Variants in DGKB observed in about 807,000 individuals in gnomAD.
DGKB encodes 90 kDa diacylglycerol kinase.
DGKB carries 67 observed loss-of-function variants against 114.3 expected under a neutral mutation model. The ratio of observed to expected loss-of-function variants is 0.59; its 90% confidence interval spans 0.48 to 0.72. The LOEUF (loss-of-function observed/expected upper bound fraction) is 0.72. DGKB is among the 30% of genes least tolerant of loss of function. DGKB has a pLI of 0.00. For missense variants in DGKB, 907 were observed against 975.2 expected, an observed-to-expected ratio of 0.93 and a Z score of 0.93; for synonymous variants, 398 against 323.1, an observed-to-expected ratio of 1.23 and a Z score of -2.49.
chr7:14,661,756 G>A (rs1247533577), intron 13 of DGKB, among the ~76,000 whole-genome samples: 3 of 151,508 alleles, frequency 2.0e-5, no homozygotes, highest in Non-Finnish European at 2.9e-5. Context: ...ACATGCACAC[G>A]TATGTTTATT....
At chr7:14,293,369 T>C (rs901812683) in intron 23 of DGKB, among the ~76,000 whole-genome samples, 11 of 152,288 alleles carry the variant, frequency 7.2e-5, no homozygotes, top group Non-Finnish European at 1.2e-4. Context: ...ACTAAGATCT[T>C]CCAATGACTT....
chr7:14,209,650 G>T (rs551319528), intron 23 of DGKB: 10 of 363,908 alleles, frequency 2.7e-5, no homozygotes, highest in South Asian at 2.1e-4. Flanking sequence ...AAAAAGAAGC[G>T]TTTATCTTTG....
rs116210008 is a variant in DGKB, at chr7:14,173,757, C to A, written c.2304+3082G>T. On this transcript the variant is annotated intron_variant, in intron 25 of 25. Transcript: ENST00000402815. The stretch of plus-strand genomic sequence containing the variant: ...GAAATTTAAAGTTCAGAACCCCATG[C>A]GGCTGTGGGAAAAGTAGAGTATGCC... Among the ~76,000 whole-genome samples the A allele has an allele frequency of 2.9e-3, 443 of 152,144 alleles. 2 individuals carry two copies. Among genetic ancestry groups the A allele is most frequent in the African/African-American group, 0.01 (420 of 41,488 alleles).
intron 1 of DGKB, among the ~76,000 whole-genome samples, chr7:14,862,202 G>T (rs1851079140): frequency 6.6e-6 from 1 of 151,988 alleles, no homozygotes; most frequent in Admixed American, 6.6e-5. Flanking sequence ...ACAAGGAGAT[G>T]ATTTGATATG....
intron 21 of DGKB, among the ~76,000 whole-genome samples, chr7:14,453,402 G>A (rs1831816952): frequency 6.6e-6 from 1 of 152,086 alleles, no homozygotes. Flanking sequence ...TTGCTCCAGA[G>A]TCTCTATTCC....
At chr7:14,853,408 C>T (rs1203214626) in intron 1 of DGKB, among the ~76,000 whole-genome samples, 1 of 151,736 alleles carries the variant, frequency 6.6e-6, no homozygotes, top group Non-Finnish European at 1.5e-5. Flanking sequence ...CACTTGTTTT[C>T]TGTATTGTTG....
At chr7:14,472,644 G>T (rs951870571) in intron 21 of DGKB, among the ~76,000 whole-genome samples, 4 of 152,122 alleles carry the variant, frequency 2.6e-5, no homozygotes, top group Non-Finnish European at 4.4e-5. Context: ...TCAAAAGAAG[G>T]CAGGAAAATG....
chr7:14,930,074 G>T (rs1228304360), intron 1 of DGKB, among the ~76,000 whole-genome samples: 1 of 152,068 alleles, frequency 6.6e-6, no homozygotes, highest in East Asian at 1.9e-4. Flanking sequence ...CTGTCCCATT[G>T]ATCTGTGTGT....
intron 20 of DGKB, among the ~76,000 whole-genome samples, chr7:14,559,795 G>A (rs1338582539): frequency 6.6e-6 from 1 of 152,150 alleles, no homozygotes; most frequent in African/African-American, 2.4e-5. Context: ...GAAACTCCAG[G>A]ATGTCACTTG....
chr7:14,765,890 G>T (rs1836377009), intron 2 of DGKB, among the ~76,000 whole-genome samples: 1 of 151,950 alleles, frequency 6.6e-6, no homozygotes, highest in South Asian at 2.1e-4. Flanking sequence ...GGATGTGAAG[G>T]GTGCCTACTG....
intron 23 of DGKB, among the ~76,000 whole-genome samples, chr7:14,292,937 T>C (rs527510887): frequency 5.3e-5 from 8 of 152,262 alleles, no homozygotes; most frequent in Middle Eastern, 3.4e-3. Flanking sequence ...AAATGAGTCA[T>C]TCAGTATTCT....
At chr7:14,184,429 G>T (rs1326827514) in intron 23 of DGKB, among the ~76,000 whole-genome samples, 3 of 152,164 alleles carry the variant, frequency 2.0e-5, no homozygotes, top group African/African-American at 7.2e-5. Context: ...ACTCGGGTCT[G>T]TTCGTGGGGG....
chr7:14,165,116 G>C (rs1453110238), intron 25 of DGKB, among the ~76,000 whole-genome samples: 1 of 152,000 alleles, frequency 6.6e-6, no homozygotes, highest in Non-Finnish European at 1.5e-5. Flanking sequence ...CTTCCTTACA[G>C]ATATCCCAGA....
At chr7:14,585,465 C>G (rs185834597) in intron 17 of DGKB, among the ~76,000 whole-genome samples, 1 of 152,272 alleles carries the variant, frequency 6.6e-6, no homozygotes, top group African/African-American at 2.4e-5. Flanking sequence ...TACTCAGATT[C>G]ATTCATGTTG....
At chr7:14,170,173 GAA>G (rs909998369) in intron 25 of DGKB, among the ~76,000 whole-genome samples, 7 of 145,310 alleles carry the variant, frequency 4.8e-5, no homozygotes, top group Middle Eastern at 3.5e-3. Context: ...AAGAAAGAAA[GAA>G]AGAAAGAAAG....
At chr7:14,517,029 G>A (rs1157875332) in intron 20 of DGKB, among the ~76,000 whole-genome samples, 1 of 152,074 alleles carries the variant, frequency 6.6e-6, no homozygotes, top group African/African-American at 2.4e-5. Flanking sequence ...CAAAGCTGGA[G>A]GTGTCACATT....
Position 14,701,746 on chromosome 7 carries a change from T to G in DGKB, c.467-16A>C, listed in dbSNP as rs527640098. On this transcript the variant is annotated splice_polypyrimidine_tract_variant and intron_variant, in intron 6 of 25. Coordinates refer to ENST00000402815, the MANE Select transcript of DGKB (RefSeq NM_001350709.2). The stretch of plus-strand genomic sequence containing the variant: ...CGAAACATAACTAGAATGAAAGAGG[T>G]GTTGAAAACAAGATTATAGGCAAAT... 6.3e-7 allele frequency: 1 copy of G among 1,585,492 alleles called. No individual in the cohort carries two copies. Among genetic ancestry groups the G allele is most frequent in the East Asian group, 2.2e-5 (1 of 44,638 alleles).
intron 1 of DGKB, among the ~76,000 whole-genome samples, chr7:14,929,173 G>A (rs1327191443): frequency 6.6e-6 from 1 of 151,950 alleles, no homozygotes; most frequent in Non-Finnish European, 1.5e-5. Flanking sequence ...TTGCTCTTGT[G>A]AATAATGCTG....
intron 20 of DGKB, among the ~76,000 whole-genome samples, chr7:14,525,605 A>G (rs1790512918): frequency 6.6e-6 from 1 of 152,162 alleles, no homozygotes; most frequent in Non-Finnish European, 1.5e-5. Context: ...TGACCTTTAA[A>G]TTAGAGACAT....
Sources: allele counts gnomAD v4.1 joint callset (sites outside exome capture counted in the v4.1 genomes callset), GRCh38; gene constraint gnomAD v4.1.1; transcripts MANE v1.5; gene names NCBI Gene and HGNC (gene_info 2026-07-23, HGNC 2026-07-21).